The following BICDL2 variants were observed in gnomAD, a reference collection of about 807,000 sequenced individuals.
BICDL2 encodes the protein BICD family-like cargo adapter 2.
BICDL2 carries 62 observed loss-of-function variants against 56.6 expected under a neutral mutation model. The observed-to-expected ratio is 1.10, with a 90% confidence interval of 0.89 to 1.35. The LOEUF (loss-of-function observed/expected upper bound fraction) is 1.35, where lower values mean the gene tolerates loss of function less well. BICDL2 is among the 40% of genes most tolerant of loss of function. The probability of loss-of-function intolerance (pLI) is 0.00; values close to 1 mark genes in which losing one functional copy is unlikely to be tolerated. For synonymous variants in BICDL2, 358 were observed against 319.8 expected (o/e 1.12, Z -1.27); for missense variants, 808 against 684.5 (o/e 1.18, Z -2.01).
chr16:3,035,598 T>C, intron 1 of BICDL2, 72 bp from the exon 2 acceptor site: 2 of 1,365,700 alleles, frequency 1.5e-6, no homozygotes, highest in Non-Finnish European at 2.0e-6. Context: ...CCAGGAATTC[T>C]CCACCTGCTG....
rs930215965 is a variant in BICDL2, at chr16:3,031,222, G to A, written c.283-72C>T. ...GACTGGGCAGGCACAGAGAGATGGC[G>A]ATGGAGGGACAGACACCTAGGGAGA... On this transcript the variant is annotated intron_variant, in intron 2 of 9. Coordinates refer to ENST00000572449, the MANE Select transcript of BICDL2 (RefSeq NM_001369667.1). The A allele has an allele frequency of 2.0e-5, 27 of 1,340,838 alleles. 1 individual carries two copies. Among genetic ancestry groups the A allele is most frequent in the Middle Eastern group, 2.5e-4 (1 of 4,032 alleles). 83.1% of individuals were successfully genotyped at this position (1,340,838 alleles called of 1,614,324 possible).
At chr16:3,031,640 A>G (rs1162597928) in intron 2 of BICDL2, 2 of 403,202 alleles carry the variant, frequency 5.0e-6, no homozygotes, top group Non-Finnish European at 8.7e-6. Context: ...CAGCGGGGGA[A>G]TGCCCTGGCA....
chr16:3,033,640 G>A (rs1955686984), intron 2 of BICDL2, among the ~76,000 whole-genome samples: 1 of 152,082 alleles, frequency 6.6e-6, no homozygotes, highest in African/African-American at 2.4e-5. Flanking sequence ...AATTAGCCAG[G>A]TATGGTGGTG....
chr16:3,034,617 TTTTCC>T (rs1160680348), intron 2 of BICDL2, among the ~76,000 whole-genome samples: 20 of 151,092 alleles, frequency 1.3e-4, no homozygotes, highest in South Asian at 4.2e-4. Flanking sequence ...TTCATGCCTT[TTTTCC>T]TTTCCTTTCC....
rs776772465 is a variant in BICDL2 at position 3,035,479 on chromosome 16, C to T, written c.18G>A (p.Gly6=). The change falls in exon 2 of 10, where the codon GGG becomes GGA. Residue 6 remains glycine, a synonymous_variant. Transcript: ENST00000572449. MSSPD[G]PSFPSGPLSG... ...AGAGCGGCCCGGACGGGAAGCTGGG[C>T]CCATCTGGAGAGCTCATGTCACCTG... The T allele has an allele frequency of 4.3e-5, 69 of 1,610,642 alleles. No individual in the cohort carries two copies. Among genetic ancestry groups the T allele is most frequent in the Non-Finnish European group, 5.7e-5 (67 of 1,179,592 alleles).
chr16:3,031,092 C>T lies in BICDL2; in HGVS notation c.341G>A (p.Trp114Ter), dbSNP rs1422904734. Residue 114 changes from tryptophan (W) to a stop codon, truncating the protein, a stop_gained, in exon 3 of 10, where the codon TGG (tryptophan) becomes TAG (stop). Transcript: ENST00000572449. LOFTEE classifies it high-confidence loss of function. The stretch of plus-strand genomic sequence containing the variant: ...CTCCAGCTCCACGGCCCGGGCCTCC[C>T]ACTCGGCTCCTCGGGCTGCCAGGCC... ...RRGLAARGAE[W>*]EARAVELEGD... 3.3e-6 allele frequency: 5 copies of T among 1,536,574 alleles called. No individual in the cohort carries two copies. The South Asian group carries it at 4.8e-5, about 15-fold the overall frequency.
chr16:3,035,177 G>GCCCCCTCCCCCCCCCCC, intron 2 of BICDL2, 38 bp downstream of exon 2: 1 of 118,826 alleles, frequency 8.4e-6, no homozygotes, highest in Non-Finnish European at 1.6e-5. Context: ...GTCCTCCCCT[G>GCCCCCTCCCCCCCCCCC]CCCACCCACC....
At position 3,030,921 on chromosome 16, in the gene BICDL2, C is replaced by T. The variant is rs762390642; in HGVS notation, c.498+14G>A. The T allele has an allele frequency of 6.5e-7, 1 of 1,545,464 alleles. No individual in the cohort carries two copies. Among genetic ancestry groups the T allele is most frequent in the South Asian group, 1.2e-5 (1 of 84,694 alleles). On this transcript the variant is annotated intron_variant, in intron 3 of 9. Coordinates refer to ENST00000572449, the MANE Select transcript of BICDL2 (RefSeq NM_001369667.1). ...CCAACCTTGTCCAGGGCCCTGGGGT[C>T]AGGGCCATCCCACCTGAGCCAGCTG...
intron 5 of BICDL2, 188 bp downstream of exon 5, chr16:3,030,261 C>T: frequency 4.1e-6 from 3 of 727,916 alleles, no homozygotes; most frequent in South Asian, 3.8e-5. Context: ...CTCTGATGCA[C>T]TCTAAGAGCA....
At chr16:3,029,804 G>T in intron 5 of BICDL2, 65 bp from the exon 6 acceptor site, 1 of 1,369,558 alleles carries the variant, frequency 7.3e-7, no homozygotes, top group Non-Finnish European at 9.6e-7. Flanking sequence ...CCGACATCCC[G>T]CGGCAGGTCC....
In BICDL2 at chr16:3,034,697, T is replaced by TCCTTCCTTCCTTCC. The variant is rs1567423991; in HGVS notation, c.282+504_282+517dup. Among the ~76,000 whole-genome samples the TCCTTCCTTCCTTCC allele has an allele frequency of 3.5e-3, 492 of 140,858 alleles. 2 individuals are homozygous for TCCTTCCTTCCTTCC. Among genetic ancestry groups the TCCTTCCTTCCTTCC allele is most frequent in the African/African-American group, 0.012 (455 of 37,136 alleles). 92.4% of individuals were successfully genotyped at this position (140,858 alleles called of 152,430 possible). On this transcript the variant is annotated intron_variant, in intron 2 of 9. Coordinates refer to ENST00000572449, the MANE Select transcript of BICDL2 (RefSeq NM_001369667.1). ...CCTTCCTTCCTTCCTTCCTTCCCCT[T>TCCTTCCTTCCTTCC]CCTTCCTTCCTTCCTTTTTTTTTTT...
At chr16:3,030,856 C>G (rs1567421813) in intron 3 of BICDL2, 44 bp from the exon 4 acceptor site, 6 of 1,567,952 alleles carry the variant, frequency 3.8e-6, no homozygotes, top group African/African-American at 1.3e-5. Flanking sequence ...AGCACCAAGC[C>G]CAATGCACCT....
chr16:3,031,924 T>C (rs1596483493), intron 2 of BICDL2: 1 of 167,084 alleles, frequency 6.0e-6, no homozygotes, highest in East Asian at 1.6e-4. Flanking sequence ...ATTGTTGTTT[T>C]TATTTTTTAT....
chr16:3,035,176 T>TCCCCCCCCCCCCCCCCCCCCCCCCCC, intron 2 of BICDL2, 39 bp downstream of exon 2: 7 of 136,274 alleles, frequency 5.1e-5, no homozygotes, highest in South Asian at 2.0e-4. Context: ...CGTCCTCCCC[T>TCCCCCCCCCCCCCCCCCCCCCCCCCC]GCCCACCCAC....
In BICDL2 at chr16:3,028,146, G is replaced by A; in HGVS notation, c.1487C>T (p.Pro496Leu). Residue 496 changes from proline to leucine, a missense_variant, in exon 10 of 10, where the codon CCC (proline) becomes CTC (leucine). By Grantham distance (98) the Pro-to-Leu change is moderately conservative (BLOSUM62 -3). Coordinates refer to ENST00000572449, the MANE Select transcript of BICDL2 (RefSeq NM_001369667.1). The part of the protein sequence containing the change: ...PRFSLRLGPG[P>L]AGGFLSNLFR... ...GAGGTTACTGAGAAAGCCACCGGCG[G>A]GCCCGGGGCCCAGGCGCAGCGAGAA... The A allele has an allele frequency of 6.9e-6, 10 of 1,439,928 alleles. No homozygotes were observed. Among genetic ancestry groups the A allele is most frequent in the Non-Finnish European group, 9.1e-6 (10 of 1,103,894 alleles). The allele number at this position is 1,439,928 out of a possible 1,614,324, so 89.2% of individuals were successfully genotyped here.
chr16:3,033,804 A>AT (rs1475448362), intron 2 of BICDL2, among the ~76,000 whole-genome samples: 1 of 151,712 alleles, frequency 6.6e-6, no homozygotes, highest in Non-Finnish European at 1.5e-5. Context: ...AGAAAAAAAA[A>AT]ATAGAGAAAG....
intron 1 of BICDL2, chr16:3,036,691 G>T (rs995500643): frequency 2.3e-6 from 1 of 443,740 alleles, no homozygotes; most frequent in Admixed American, 2.4e-5. Flanking sequence ...AGGTGTTGGG[G>T]CCTCCAGCCC....
In BICDL2 at chr16:3,028,143, G is replaced by A. The variant is rs1278739296; in HGVS notation, c.1490C>T (p.Ala497Val). Reference sequence around the variant, plus strand: ...GAAGAGGTTACTGAGAAAGCCACCGGCGGGCCCGGGGCCCAGGCGCAGCGA... The same window carrying A: ...GAAGAGGTTACTGAGAAAGCCACCGACGGGCCCGGGGCCCAGGCGCAGCGA... The part of the protein sequence containing the change: ...RFSLRLGPGP[A>V]GGFLSNLFRR... The change falls in exon 10 of 10, where the codon GCC becomes GTC. Residue 497 changes from alanine to valine, a missense_variant. Coordinates refer to ENST00000572449, the MANE Select transcript of BICDL2 (RefSeq NM_001369667.1). 1.4e-6 allele frequency: 2 copies of A among 1,442,292 alleles called. No individual in the cohort carries two copies. Among genetic ancestry groups the A allele is most frequent in the Non-Finnish European group, 1.8e-6 (2 of 1,105,434 alleles). The allele number at this position is 1,442,292 out of a possible 1,614,324, so 89.3% of individuals were successfully genotyped here. A position where few individuals can be genotyped will look rare whatever the true frequency, so the allele number is the denominator to read the frequency against.
chr16:3,034,971 A>G (rs1267764220), intron 2 of BICDL2: 1 of 504,574 alleles, frequency 2.0e-6, no homozygotes, highest in Non-Finnish European at 3.5e-6. Flanking sequence ...TGGCCTCCCA[A>G]AGTGCTGGGA....
Sources: allele counts gnomAD v4.1 joint callset (sites outside exome capture counted in the v4.1 genomes callset), GRCh38; gene constraint gnomAD v4.1.1; transcripts MANE v1.5; gene names NCBI Gene and HGNC (gene_info 2026-07-23, HGNC 2026-07-21).